PTPRD: variants seen among roughly 807,000 people sequenced by gnomAD.
PTPRD encodes the protein receptor-type tyrosine-protein phosphatase delta.
A neutral mutation model predicts 214.5 loss-of-function variants in PTPRD; 34 were observed. That is an observed-to-expected ratio of 0.16 (90% CI 0.12 to 0.21). PTPRD has a LOEUF of 0.21. Ranked by LOEUF, PTPRD falls within the 10% of genes least tolerant of loss-of-function variation. The pLI is 1.00. For missense variants in PTPRD, 2,545 were observed against 2,398.7 expected (o/e 1.06, Z -1.27); for synonymous variants, 1,128 against 845.7 (o/e 1.33, Z -5.79).
chr9:9,591,422 A>G (rs1455412171), intron 7 of PTPRD, among the ~76,000 whole-genome samples: 1 of 151,964 alleles, frequency 6.6e-6, no homozygotes, highest in Non-Finnish European at 1.5e-5. Context: ...TACAGCCTCC[A>G]GGGAGGAACA....
At chr9:8,579,314 C>G (rs1257056696) in intron 14 of PTPRD, among the ~76,000 whole-genome samples, 17 of 152,056 alleles carry the variant, frequency 1.1e-4, no homozygotes, top group Non-Finnish European at 2.5e-4. Flanking sequence ...GTATATAATC[C>G]TCAGTAAGAA....
At chr9:10,399,013 G>C (rs1195940136) in intron 2 of PTPRD, among the ~76,000 whole-genome samples, 2 of 151,950 alleles carry the variant, frequency 1.3e-5, no homozygotes, top group South Asian at 2.1e-4. Context: ...TCTAATAAAT[G>C]TCAGACTGAT....
intron 2 of PTPRD, among the ~76,000 whole-genome samples, chr9:10,543,770 A>G (rs1432261192): frequency 6.6e-6 from 1 of 152,200 alleles, no homozygotes; most frequent in Non-Finnish European, 1.5e-5. Context: ...GCAGTCAACA[A>G]CCTTTCACTG....
At chr9:10,409,243 T>A (rs10959095) in intron 2 of PTPRD, among the ~76,000 whole-genome samples, 87,150 of 151,618 alleles carry the variant, frequency 0.57, 27,046 homozygotes, top group Non-Finnish European at 0.71. Flanking sequence ...AAATATCTTT[T>A]GATGAGAAAA....
At chr9:9,041,875 GT>G (rs1413805669) in intron 10 of PTPRD, among the ~76,000 whole-genome samples, 43 of 152,206 alleles carry the variant, frequency 2.8e-4, no homozygotes, top group African/African-American at 8.9e-4. Context: ...AAAAATAAAA[GT>G]TTACATTTCC....
chr9:9,484,679 T>C (rs1344941482), intron 8 of PTPRD, among the ~76,000 whole-genome samples: 2 of 152,124 alleles, frequency 1.3e-5, no homozygotes, highest in Non-Finnish European at 2.9e-5. Context: ...ATTGGGCCCA[T>C]TTTTAGATGA....
chr9:9,376,798 G>T (rs181123879), intron 9 of PTPRD, among the ~76,000 whole-genome samples: 24 of 152,116 alleles, frequency 1.6e-4, no homozygotes, highest in Non-Finnish European at 3.1e-4. Flanking sequence ...AAAAAAGAAA[G>T]GCGGGATCCA....
chr9:9,503,122 G>A (rs191412511), intron 8 of PTPRD, among the ~76,000 whole-genome samples: 1 of 151,674 alleles, frequency 6.6e-6, no homozygotes. Flanking sequence ...GGTCAAAGAA[G>A]GGACTTGGTT....
At chr9:9,450,441 T>C (rs193259745) in intron 8 of PTPRD, among the ~76,000 whole-genome samples, 45 of 152,062 alleles carry the variant, frequency 3.0e-4, no homozygotes, top group South Asian at 1.2e-3. Context: ...ATTTTTTGAC[T>C]TTTTAATTAA....
intron 3 of PTPRD, among the ~76,000 whole-genome samples, chr9:10,138,016 G>C (rs2098954980): frequency 6.6e-6 from 1 of 151,866 alleles, no homozygotes; most frequent in Admixed American, 6.6e-5. Context: ...CCCAAAGCTA[G>C]CAGAAGAAAA....
intron 3 of PTPRD, among the ~76,000 whole-genome samples, chr9:10,213,808 A>G (rs1196919963): frequency 6.6e-6 from 1 of 152,100 alleles, no homozygotes; most frequent in East Asian, 1.9e-4. Context: ...TTCCATATAC[A>G]TAAGACTTCC....
At chr9:8,612,401 C>G (rs1304077518) in intron 14 of PTPRD, among the ~76,000 whole-genome samples, 1 of 152,172 alleles carries the variant, frequency 6.6e-6, no homozygotes, top group Non-Finnish European at 1.5e-5. Context: ...AAGGATACAA[C>G]TGGCAGCTGT....
At chr9:9,570,161 T>C (rs1269532947) in intron 8 of PTPRD, among the ~76,000 whole-genome samples, 1 of 151,708 alleles carries the variant, frequency 6.6e-6, no homozygotes, top group East Asian at 1.9e-4. Context: ...ACTTCATTTA[T>C]GTTACCAAAA....
chr9:10,268,084 C>G (rs2094186278), intron 3 of PTPRD, among the ~76,000 whole-genome samples: 5 of 150,154 alleles, frequency 3.3e-5, no homozygotes, highest in Admixed American at 3.3e-4. Context: ...TCAAGACCAA[C>G]CTAAGCAACA....
At chr9:9,185,142 T>C (rs1332697088) in intron 9 of PTPRD, among the ~76,000 whole-genome samples, 1 of 152,104 alleles carries the variant, frequency 6.6e-6, no homozygotes, top group Non-Finnish European at 1.5e-5. Context: ...GACCCTCTAC[T>C]GGATTTAATG....
At chr9:9,504,428 T>C (rs2096523254) in intron 8 of PTPRD, among the ~76,000 whole-genome samples, 2 of 151,670 alleles carry the variant, frequency 1.3e-5, no homozygotes, top group Admixed American at 6.6e-5. Context: ...TTGTCTCCAT[T>C]CCAAATGTAT....
intron 9 of PTPRD, among the ~76,000 whole-genome samples, chr9:9,377,264 A>G (rs2061036148): frequency 6.6e-6 from 1 of 152,166 alleles, no homozygotes; most frequent in Non-Finnish European, 1.5e-5. Context: ...TACTATAACT[A>G]TATAAGGAAC....
At chr9:8,666,782 A>G (rs758367679) in intron 12 of PTPRD, among the ~76,000 whole-genome samples, 4 of 152,214 alleles carry the variant, frequency 2.6e-5, no homozygotes, top group Non-Finnish European at 4.4e-5. Context: ...CTAGCAGAAC[A>G]TAACTGCCCC....
At chr9:9,328,736 A>T (rs2041136198) in intron 9 of PTPRD, among the ~76,000 whole-genome samples, 1 of 141,832 alleles carries the variant, frequency 7.1e-6, no homozygotes, top group African/African-American at 2.6e-5. Flanking sequence ...TCCTGGGTTC[A>T]AGAGATTCTT....
Sources: gnomAD v4.1 joint callset for allele counts (sites outside exome capture counted in the v4.1 genomes callset) on GRCh38, gnomAD v4.1.1 for gene constraint, MANE v1.5 for transcripts, NCBI Gene and HGNC (gene_info 2026-07-23, HGNC 2026-07-21) for gene names.